The following LINGO1 variants were observed in gnomAD, a reference collection of about 807,000 sequenced individuals.
LINGO1 encodes the protein leucine-rich repeat and immunoglobulin-like domain-containing nogo receptor-interacting protein 1.
Under a neutral mutation model 37.3 loss-of-function variants are expected in LINGO1, and 11 were observed. The observed-to-expected ratio is 0.29, with a 90% CI of 0.19 to 0.49. The LOEUF (loss-of-function observed/expected upper bound fraction) is 0.49, where lower values mean the gene tolerates loss of function less well. Among genes scored for constraint, LINGO1 ranks in the 20% least tolerant of loss-of-function variants. LINGO1 has a pLI of 0.99. For synonymous variants in LINGO1, 387 were observed against 403.0 expected (o/e 0.96, Z 0.48); for missense variants, 585 against 878.2 (o/e 0.67, Z 4.22).
intron 2 of LINGO1, among the ~76,000 whole-genome samples, chr15:77,680,361 C>T (rs966703414): frequency 6.6e-6 from 1 of 152,210 alleles, no homozygotes; most frequent in African/African-American, 2.4e-5. Flanking sequence ...CACAACCTTG[C>T]CTATCCTACA....
chr15:77,618,849 CCT>C lies in LINGO1; in HGVS notation c.7-2951_7-2950del, dbSNP rs2073828859. 4.3e-5 allele frequency among the ~76,000 whole-genome samples: 6 copies of C among 139,404 alleles called. 3 individuals are homozygous for C. The highest frequency in any genetic ancestry group is 6.2e-5 in the Non-Finnish European group (4 of 64,672). The allele number at this position is 139,404 out of a possible 152,430, so 91.5% of individuals were successfully genotyped here. A position where few individuals can be genotyped will look rare whatever the true frequency, so the allele number is the denominator to read the frequency against. On this transcript the variant is annotated intron_variant, in intron 1 of 1. Coordinates refer to ENST00000355300, the MANE Select transcript of LINGO1 (RefSeq NM_032808.7). ...TGACCTCGTGATCCGCCCGCCTCGG[CCT>C]CCCAAAGTGCTGGGATTACAGGCGT...
chr15:77,680,396 C>G (rs2075394885), intron 2 of LINGO1, among the ~76,000 whole-genome samples: 1 of 152,186 alleles, frequency 6.6e-6, no homozygotes, highest in Non-Finnish European at 1.5e-5. Context: ...CCTTTGGGGG[C>G]AGGTCACCTT....
chr15:77,646,485 T>C (rs1327064645), intron 3 of LINGO1: 1 of 455,470 alleles, frequency 2.2e-6, no homozygotes, highest in Non-Finnish European at 4.4e-6. Flanking sequence ...TAAGAGCTTC[T>C]TCCCTCCTCT....
intron 2 of LINGO1, among the ~76,000 whole-genome samples, chr15:77,683,097 A>G (rs1239965578): frequency 6.6e-6 from 1 of 152,250 alleles, no homozygotes; most frequent in Non-Finnish European, 1.5e-5. Context: ...TTCACAGAGG[A>G]AGAAACACCC....
At chr15:77,732,740 C>T (rs187086074) in intron 2 of LINGO1, among the ~76,000 whole-genome samples, 10 of 152,364 alleles carry the variant, frequency 6.6e-5, no homozygotes, top group Admixed American at 1.3e-4. Flanking sequence ...GCTCTGCACT[C>T]GGACAGATGC....
intron 1 of LINGO1, among the ~76,000 whole-genome samples, chr15:77,766,402 C>T (rs946727579): frequency 9.9e-5 from 15 of 150,790 alleles, no homozygotes; most frequent in African/African-American, 3.7e-4. Context: ...TATCATTTTC[C>T]GCAAAAAAAA....
chr15:77,773,556 G>A (rs909145003), intron 1 of LINGO1, among the ~76,000 whole-genome samples: 4 of 151,846 alleles, frequency 2.6e-5, no homozygotes, highest in East Asian at 1.9e-4. Context: ...TCCCAGCCCC[G>A]GAGTCCAGCC....
chr15:77,763,240 G>C (rs1285456169), intron 1 of LINGO1, among the ~76,000 whole-genome samples: 1 of 152,178 alleles, frequency 6.6e-6, no homozygotes, highest in East Asian at 1.9e-4. Flanking sequence ...GCCACGCCAG[G>C]CTTGCTCAGG....
chr15:77,745,380 C>A (rs911572505), intron 1 of LINGO1, among the ~76,000 whole-genome samples: 2 of 150,276 alleles, frequency 1.3e-5, no homozygotes, highest in Admixed American at 1.3e-4. Context: ...GAGCCGAGAT[C>A]TGGCCACTGC....
chr15:77,646,807 AAGG>A (rs2074641240), intron 3 of LINGO1, among the ~76,000 whole-genome samples: 1 of 152,022 alleles, frequency 6.6e-6, no homozygotes, highest in South Asian at 2.1e-4. Flanking sequence ...TGTGCCCAGA[AAGG>A]AGGCCTGGGA....
At chr15:77,699,496 TCCACACACAATAA>T (rs2075743702), upstream of LINGO1, among the ~76,000 whole-genome samples, 35 of 4,950 alleles carry the variant, frequency 7.1e-3, no homozygotes, top group East Asian at 0.015. Flanking sequence ...AACCATCATC[TCCACACACAATAA>T]GCACATACTA....
intron 2 of LINGO1, among the ~76,000 whole-genome samples, chr15:77,725,271 C>T (rs1166542093): frequency 6.6e-6 from 1 of 152,206 alleles, no homozygotes; most frequent in Admixed American, 6.5e-5. Flanking sequence ...AATCCATCAC[C>T]TTGGCTGGGC....
rs150482657 is a variant in LINGO1, at chr15:77,681,161, T to A, written c.-98-3987A>T. On this transcript the variant is annotated intron_variant, in intron 2 of 3. Transcript: ENST00000559893. The stretch of plus-strand genomic sequence containing the variant: ...TCTGCTCCATTCTTTGCCTCGAGCA[T>A]CTATCTACTTGGGAGTTAATTTTGA... Among the ~76,000 whole-genome samples, 772 of 152,218 alleles carry A rather than the reference T, an allele frequency of 5.1e-3. 6 individuals carry two copies. The highest frequency in any genetic ancestry group is 0.018 in the African/African-American group (743 of 41,548).
chr15:77,653,081 A>G (rs1385393343), intron 3 of LINGO1, among the ~76,000 whole-genome samples: 1 of 152,254 alleles, frequency 6.6e-6, no homozygotes, highest in Non-Finnish European at 1.5e-5. Context: ...ACACGGACAT[A>G]GGCCAACCCC....
At chr15:77,774,811 G>C (rs1313525236) in intron 1 of LINGO1, among the ~76,000 whole-genome samples, 1 of 152,300 alleles carries the variant, frequency 6.6e-6, no homozygotes, top group Non-Finnish European at 1.5e-5. Context: ...GGTGCACCTG[G>C]ATTTCTATCC....
At chr15:77,671,317 G>A (rs2075244677) in intron 3 of LINGO1, among the ~76,000 whole-genome samples, 1 of 152,212 alleles carries the variant, frequency 6.6e-6, no homozygotes, top group South Asian at 2.1e-4. Context: ...TAGAGGGAGA[G>A]AGAAGGAGAG....
intron 1 of LINGO1, among the ~76,000 whole-genome samples, chr15:77,807,584 T>C (rs906377317): frequency 6.6e-6 from 1 of 152,134 alleles, no homozygotes; most frequent in African/African-American, 2.4e-5. Context: ...CCTGCCTCCC[T>C]GCACACGTCT....
chr15:77,633,478 G>A (rs2074330156), upstream of LINGO1, among the ~76,000 whole-genome samples: 1 of 152,222 alleles, frequency 6.6e-6, no homozygotes, highest in Non-Finnish European at 1.5e-5. Flanking sequence ...CGCGAGGCTA[G>A]AGGGCCCACA....
chr15:77,656,302 C>A (rs541089742), intron 3 of LINGO1, among the ~76,000 whole-genome samples: 1 of 152,190 alleles, frequency 6.6e-6, no homozygotes. Flanking sequence ...CCACTGCTCC[C>A]TCCTGGCTGC....
Sources: gnomAD v4.1 joint callset for allele counts (sites outside exome capture counted in the v4.1 genomes callset) on GRCh38, gnomAD v4.1.1 for gene constraint, MANE v1.5 for transcripts, NCBI Gene and HGNC (gene_info 2026-07-23, HGNC 2026-07-21) for gene names.